DNAH8: variants seen among roughly 807,000 people sequenced by gnomAD.
The protein encoded by DNAH8 is axonemal beta dynein heavy chain 8.
Under a neutral mutation model 562.1 loss-of-function variants are expected in DNAH8, and 382 were observed. That is an observed-to-expected ratio of 0.68 (90% CI 0.63 to 0.74). DNAH8 has a LOEUF of 0.74. Among genes scored for constraint, DNAH8 ranks in the 30% least tolerant of loss-of-function variants. The probability of loss-of-function intolerance (pLI) is 0.00; values close to 1 mark genes in which losing one functional copy is unlikely to be tolerated. For synonymous variants in DNAH8, 1,881 were observed against 1,919.4 expected (o/e 0.98, Z 0.52); for missense variants, 5,203 against 5,620.4 (o/e 0.93, Z 2.37).
At chr6:39,012,684 T>A (rs1766299856) in intron 91 of DNAH8, 47 bp downstream of exon 91, 1 of 1,414,816 alleles carries the variant, frequency 7.1e-7, no homozygotes, top group Non-Finnish European at 1.0e-6. Context: ...TGTGTATTGT[T>A]GGATAGTAGC....
intron 13 of DNAH8, among the ~76,000 whole-genome samples, 171 bp downstream of exon 13, chr6:38,776,122 C>T (rs1768043347): frequency 6.6e-6 from 1 of 151,904 alleles, no homozygotes; most frequent in Non-Finnish European, 1.5e-5. Context: ...TAAACTACTC[C>T]ACTAAAGGAT....
In DNAH8 at chr6:38,828,295, A is replaced by G. The variant is rs1388960873; in HGVS notation, c.4188+7A>G. 6.6e-7 allele frequency: 1 copy of G among 1,508,180 alleles called. No homozygotes were observed. Among genetic ancestry groups the G allele is most frequent in the East Asian group, 2.3e-5 (1 of 42,932 alleles). 93.4% of individuals were successfully genotyped at this position (1,508,180 alleles called of 1,614,324 possible). ...CAAATTGCAGAGCAAAGCTGTAAGT[A>G]TGAATTTAACTACATTATTTTTTCT... On this transcript the variant is annotated splice_region_variant and intron_variant, in intron 30 of 92. Transcript: ENST00000327475.
At chr6:38,878,169 C>T (rs977261720) in intron 53 of DNAH8, among the ~76,000 whole-genome samples, 1 of 152,144 alleles carries the variant, frequency 6.6e-6, no homozygotes, top group African/African-American at 2.4e-5. Context: ...ATTGATAGAA[C>T]AAATAGACAA....
chr6:38,782,628 G>A (rs1214032702), intron 16 of DNAH8, among the ~76,000 whole-genome samples: 5 of 151,918 alleles, frequency 3.3e-5, no homozygotes, highest in Admixed American at 6.6e-5. Flanking sequence ...CTTTTTTTGC[G>A]TGCTGGAATT....
chr6:38,951,752 T>A (rs1166082167), intron 82 of DNAH8, among the ~76,000 whole-genome samples: 1 of 152,138 alleles, frequency 6.6e-6, no homozygotes, highest in African/African-American at 2.4e-5. Context: ...TTTTTTTGAT[T>A]GGTTGTGTTT....
chr6:38,815,594 C>G lies in DNAH8; in HGVS notation c.3460C>G (p.Pro1154Ala). 6.2e-7 allele frequency: 1 copy of G among 1,614,012 alleles called. No homozygotes were observed. The highest frequency in any genetic ancestry group is 8.5e-7 in the Non-Finnish European group (1 of 1,179,938). ...AATCCGTCCCATCAAGTCTGTCATT[C>G]CCAGCCCCACCACTACTGACGTGAC... ...QQIRPIKSVIPSPTTTDVTHQ... is the reference protein window; with the variant it reads ...QQIRPIKSVIASPTTTDVTHQ... The change falls in exon 26 of 93, where the codon CCC becomes GCC. Residue 1154 changes from proline (P) to alanine (A), a missense_variant. Pro to Ala is a conservative substitution (Grantham distance 27, BLOSUM62 -1). Around this residue, in one of 6 missense-constraint regions of DNAH8, gnomAD observed 2,176 missense variants for 2,365.1 expected, o/e 0.92. Coordinates refer to ENST00000327475, the MANE Select transcript of DNAH8 (RefSeq NM_001206927.2).
intron 88 of DNAH8, among the ~76,000 whole-genome samples, chr6:39,006,493 A>G (rs1765806968): frequency 6.6e-6 from 1 of 152,112 alleles, no homozygotes; most frequent in Non-Finnish European, 1.5e-5. Flanking sequence ...TGTTGTTTCT[A>G]CTGGCTCTTT....
At chr6:38,937,621 G>C (rs1783079698) in intron 77 of DNAH8, among the ~76,000 whole-genome samples, 1 of 152,184 alleles carries the variant, frequency 6.6e-6, no homozygotes, top group Non-Finnish European at 1.5e-5. Flanking sequence ...GAGCCACCAA[G>C]ATGACAGTGG....
intron 47 of DNAH8, 102 bp from the exon 48 acceptor site, chr6:38,867,960 C>T (rs1430720417): frequency 3.4e-6 from 4 of 1,182,072 alleles, no homozygotes; most frequent in East Asian, 2.4e-5. Flanking sequence ...CCAAAACTAT[C>T]CCATATAAGT....
chr6:38,891,018 A>G (rs535591102), intron 58 of DNAH8, among the ~76,000 whole-genome samples: 69 of 152,372 alleles, frequency 4.5e-4, no homozygotes, highest in African/African-American at 1.5e-3. Context: ...TTTTGCTGAA[A>G]TGAGAACACT....
At position 38,971,657 on chromosome 6, in the gene DNAH8, A is replaced by T. The variant is rs759309029; in HGVS notation, c.12517A>T (p.Met4173Leu). ...VHARKLIQMS[M>L]QQGGWVLLQN... Reference sequence around the variant, plus strand: ...TGCTCGAAAGCTGATTCAGATGTCAATGCAGCAGGTATGTGACAAGAGACT... The same window carrying T: ...TGCTCGAAAGCTGATTCAGATGTCATTGCAGCAGGTATGTGACAAGAGACT... The change falls in exon 83 of 93, where the codon ATG becomes TTG. Residue 4173 changes from methionine (M) to leucine (L), a missense_variant. By Grantham distance (15) the Met-to-Leu change is conservative. Transcript: ENST00000327475. 1.2e-6 allele frequency: 2 copies of T among 1,600,424 alleles called. No homozygotes were observed. Among genetic ancestry groups the T allele is most frequent in the Non-Finnish European group, 1.7e-6 (2 of 1,173,694 alleles).
intron 83 of DNAH8, chr6:38,971,892 G>A (rs1763378217): frequency 1.4e-5 from 5 of 359,154 alleles, no homozygotes; most frequent in Middle Eastern, 5.3e-4. Flanking sequence ...TTTTTTGTTC[G>A]TTTTATGATT....
At chr6:38,840,702 T>A (rs1267716070) in intron 33 of DNAH8, among the ~76,000 whole-genome samples, 1 of 152,220 alleles carries the variant, frequency 6.6e-6, no homozygotes, top group Non-Finnish European at 1.5e-5. Flanking sequence ...CATTTCTTTG[T>A]CAATTTTCTT....
intron 43 of DNAH8, among the ~76,000 whole-genome samples, chr6:38,861,203 A>C (rs1301791348): frequency 6.6e-6 from 1 of 152,210 alleles, no homozygotes; most frequent in Admixed American, 6.5e-5. Context: ...CTGTTACTTT[A>C]AGTAGGGCTG....
intron 21 of DNAH8, among the ~76,000 whole-genome samples, chr6:38,801,334 C>T (rs559314415): frequency 2.6e-5 from 4 of 152,252 alleles, no homozygotes; most frequent in East Asian, 3.9e-4. Flanking sequence ...GTATTGGAAA[C>T]GTATGGAAAA....
chr6:38,964,615 C>T (rs1460110764), intron 82 of DNAH8, among the ~76,000 whole-genome samples: 1 of 151,238 alleles, frequency 6.6e-6, no homozygotes, highest in South Asian at 2.1e-4. Context: ...ACTGAAAAAT[C>T]AAAAATGTCT....
intron 74 of DNAH8, chr6:38,928,074 GACC>G (rs1782252087): frequency 1.3e-5 from 2 of 152,186 alleles, no homozygotes; most frequent in Admixed American, 6.5e-5. Context: ...CCATCTCCAG[GACC>G]TACAGCTCTG....
chr6:38,819,722 A>G (rs1442598816), intron 26 of DNAH8, among the ~76,000 whole-genome samples: 1 of 152,204 alleles, frequency 6.6e-6, no homozygotes, highest in Admixed American at 6.5e-5. Flanking sequence ...AAGATTATAT[A>G]TAGAAAATCC....
intron 86 of DNAH8, among the ~76,000 whole-genome samples, chr6:38,983,820 C>T (rs760468917): frequency 6.6e-6 from 1 of 152,116 alleles, no homozygotes; most frequent in Non-Finnish European, 1.5e-5. Flanking sequence ...ACTAAGAAAG[C>T]GTATTAAAGC....
Sources: allele counts gnomAD v4.1 joint callset (sites outside exome capture counted in the v4.1 genomes callset), GRCh38; gene constraint gnomAD v4.1.1; regional missense constraint gnomAD v4.1.1; transcripts MANE v1.5; gene names NCBI Gene and HGNC (gene_info 2026-07-23, HGNC 2026-07-21).